USP42: variants seen among roughly 807,000 people sequenced by gnomAD.
USP42 encodes the protein ubiquitin carboxyl-terminal hydrolase 42.
A neutral mutation model predicts 113.0 loss-of-function variants in USP42; 23 were observed. That is an observed-to-expected ratio of 0.20 (90% CI 0.15 to 0.29). The LOEUF is 0.29. USP42 is among the 10% of genes least tolerant of loss of function. The pLI, the probability that USP42 is intolerant of heterozygous loss-of-function variation, is 1.00. For missense variants in USP42, 2,174 were observed against 1,779.8 expected, an observed-to-expected ratio of 1.22 and a Z score of -3.99; for synonymous variants, 933 against 699.0, an observed-to-expected ratio of 1.33 and a Z score of -5.28.
chr7:6,091,984 CTT>C, the USP42 span, among the ~76,000 whole-genome samples: 18 of 33,188 alleles, frequency 5.4e-4, 1 homozygote, highest in South Asian at 2.4e-3. Flanking sequence ...ATTTTTTCTT[CTT>C]CTTCTTCTTC....
At position 6,150,255 on chromosome 7, in the gene USP42, C is replaced by A. The variant is rs1174106490; in HGVS notation, c.2059C>A (p.Leu687Met). 1 of 1,613,592 alleles carries A rather than the reference C, an allele frequency of 6.2e-7. No homozygotes were observed. The highest frequency in any genetic ancestry group is 2.2e-5 in the East Asian group (1 of 44,906). ...DGASCQGQPALHSENPFAKAN... is the reference protein window; with the variant it reads ...DGASCQGQPAMHSENPFAKAN... ...TGCCAGCTGCCAAGGCCAGCCTGCCCTGCACTCAGAAAATCCCTTTGCTAA... is the reference window on the plus strand; with the variant it reads ...TGCCAGCTGCCAAGGCCAGCCTGCCATGCACTCAGAAAATCCCTTTGCTAA... Residue 687 changes from leucine to methionine, a missense_variant, in exon 13 of 18, where the codon CTG becomes ATG. By Grantham distance (15) the Leu-to-Met change is conservative (BLOSUM62 2). Transcript: ENST00000306177.
chr7:6,091,712 C>CACAT, the USP42 span, among the ~76,000 whole-genome samples: 1 of 150,208 alleles, frequency 6.7e-6, no homozygotes, highest in Admixed American at 6.6e-5. Flanking sequence ...CACACACACA[C>CACAT]ACATATATAT....
At chr7:6,099,117 T>C in the USP42 span, among the ~76,000 whole-genome samples, 3 of 149,756 alleles carry the variant, frequency 2.0e-5, 1 homozygote, top group Non-Finnish European at 4.5e-5. Context: ...GTCTGCCCTC[T>C]GATTATAGAT....
intron 1 of USP42, among the ~76,000 whole-genome samples, chr7:6,105,857 T>G (rs540339896): frequency 2.1e-4 from 32 of 152,336 alleles, no homozygotes; most frequent in African/African-American, 7.7e-4. Flanking sequence ...GGAGATGACT[T>G]TTGTTAATGA....
the USP42 span, among the ~76,000 whole-genome samples, chr7:6,091,993 C>CTTT: frequency 1.5e-5 from 1 of 65,324 alleles, no homozygotes; most frequent in African/African-American, 5.0e-5. Context: ...TCTTCTTCTT[C>CTTT]TTCTTCTTCT....
chr7:6,127,860 A>T (rs182453405), intron 3 of USP42, among the ~76,000 whole-genome samples: 20 of 152,272 alleles, frequency 1.3e-4, no homozygotes, highest in African/African-American at 4.8e-4. Context: ...TAACATCTTT[A>T]CTATGTCCCT....
At chr7:6,100,256 C>T (rs1366804984), upstream of USP42, among the ~76,000 whole-genome samples, 1 of 150,770 alleles carries the variant, frequency 6.6e-6, no homozygotes, top group Non-Finnish European at 1.5e-5. Context: ...CTAACTAGTC[C>T]CCCTAGATGG....
chr7:6,129,958 A>G (rs186067428), intron 3 of USP42, among the ~76,000 whole-genome samples: 26 of 151,944 alleles, frequency 1.7e-4, no homozygotes, highest in African/African-American at 5.8e-4. Context: ...CAGTATGATG[A>G]GTGATTTTCA....
At chr7:6,114,667 TA>T in intron 2 of USP42, among the ~76,000 whole-genome samples, 1 of 46,604 alleles carries the variant, frequency 2.1e-5, no homozygotes, top group Non-Finnish European at 4.1e-5. Context: ...TATATATATA[TA>T]TATATATATA....
In USP42 at chr7:6,135,897, C is replaced by G. The variant is rs1008027210; in HGVS notation, c.499C>G (p.Leu167Val). ...AATGCAAGCACATATTACCCAGGCA[C>G]TCAGTAATCCTGGGGACGTTATTAA... is the stretch of plus-strand genomic sequence containing the variant. The part of the protein sequence containing the change: ...CTMQAHITQA[L>V]SNPGDVIKPM... The change falls in exon 4 of 18, where the codon CTC (leucine) becomes GTC (valine). Residue 167 changes from leucine to valine, a missense_variant. Leu to Val is a conservative substitution (Grantham distance 32, BLOSUM62 1). Coordinates refer to ENST00000306177, the MANE Select transcript of USP42 (RefSeq NM_032172.3). The G allele has an allele frequency of 6.2e-7, 1 of 1,610,764 alleles. No individual in the cohort carries two copies. Among genetic ancestry groups the G allele is most frequent in the Non-Finnish European group, 8.5e-7 (1 of 1,178,656 alleles).
the USP42 span, among the ~76,000 whole-genome samples, chr7:6,091,270 G>C: frequency 6.0e-5 from 9 of 150,642 alleles, no homozygotes; most frequent in African/African-American, 1.7e-4. Flanking sequence ...TGTTGCCCAG[G>C]CTGGAGTGAA....
intron 3 of USP42, 131 bp from the exon 4 acceptor site, chr7:6,135,710 G>T: frequency 1.6e-4 from 40 of 243,580 alleles, no homozygotes; most frequent in Non-Finnish European, 2.0e-4. Context: ...ATGCATAAAA[G>T]TAGATAGCTC....
At chr7:6,103,661 G>A (rs1191301822), upstream of USP42, among the ~76,000 whole-genome samples, 1 of 149,296 alleles carries the variant, frequency 6.7e-6, no homozygotes, top group African/African-American at 2.6e-5. Context: ...AGCGCTTTGG[G>A]AGGCTGAGGT....
At chr7:6,100,073 G>C (rs1790073716), upstream of USP42, among the ~76,000 whole-genome samples, 2 of 147,660 alleles carry the variant, frequency 1.4e-5, no homozygotes, top group South Asian at 4.2e-4. Context: ...GGCTGGTCTT[G>C]AACTCCTGGC....
intron 2 of USP42, among the ~76,000 whole-genome samples, chr7:6,112,182 G>A (rs1038921970): frequency 1.3e-5 from 2 of 152,014 alleles, no homozygotes; most frequent in Non-Finnish European, 2.9e-5. Flanking sequence ...AGGCATGGTG[G>A]CTCCACCTGT....
the USP42 span, among the ~76,000 whole-genome samples, chr7:6,086,131 G>T: frequency 1.3e-5 from 2 of 149,606 alleles, no homozygotes; most frequent in African/African-American, 2.5e-5. Context: ...CGCCTCACAG[G>T]TTCAAGCAAT....
At chr7:6,116,103 CAAA>C (rs1363199312) in intron 3 of USP42, among the ~76,000 whole-genome samples, 3 of 72,122 alleles carry the variant, frequency 4.2e-5, no homozygotes, top group Admixed American at 1.5e-4. Context: ...GACCCTGTCT[CAAA>C]AAAAAAAAAA....
Position 6,150,453 on chromosome 7 carries a change from C to T in USP42, c.2148C>T (p.Ile716=). Residue 716 remains isoleucine, a synonymous_variant, in exon 14 of 18, where the codon ATC becomes ATT. Transcript: ENST00000306177. Reference sequence around the variant, plus strand: ...TGCTGTCTCTCCCAGAAGACAAAATCTTAGAGACCTTCAGGCTTAGCAACA... The same window carrying T: ...TGCTGTCTCTCCCAGAAGACAAAATTTTAGAGACCTTCAGGCTTAGCAACA... The part of the protein sequence containing the change: ...APLLSLPEDK[I]LETFRLSNKL... 2 of 1,613,944 alleles carry T rather than the reference C, an allele frequency of 1.2e-6. No homozygotes were observed. The highest frequency in any genetic ancestry group is 1.7e-6 in the Non-Finnish European group (2 of 1,179,886).
chr7:6,124,115 A>G (rs985833149), intron 3 of USP42, among the ~76,000 whole-genome samples: 1 of 151,828 alleles, frequency 6.6e-6, no homozygotes, highest in Non-Finnish European at 1.5e-5. Flanking sequence ...ACCTCAGGTC[A>G]TCTGCCTGCC....
Sources: allele counts gnomAD v4.1 joint callset (sites outside exome capture counted in the v4.1 genomes callset), GRCh38; gene constraint gnomAD v4.1.1; transcripts MANE v1.5; gene names NCBI Gene and HGNC (gene_info 2026-07-23, HGNC 2026-07-21).